Variants in TENM3 observed in about 807,000 individuals in gnomAD.
TENM3 encodes the protein teneurin transmembrane protein 3, also known as teneurin-3.
TENM3 carries 63 observed loss-of-function variants against 255.1 expected under a neutral mutation model. The observed-to-expected ratio is 0.25, with a 90% confidence interval of 0.20 to 0.30. TENM3 has a LOEUF of 0.30. Ranked by LOEUF, TENM3 falls within the 10% of genes least tolerant of loss-of-function variation. The pLI is 1.00. For synonymous variants in TENM3, 1,306 were observed against 1,322.3 expected (o/e 0.99, Z 0.27); for missense variants, 2,929 against 3,461.1 (o/e 0.85, Z 3.86).
the TENM3 span, among the ~76,000 whole-genome samples, chr4:181,577,197 T>TTA: frequency 7.9e-6 from 1 of 126,910 alleles, no homozygotes; most frequent in Non-Finnish European, 1.6e-5. Context: ...ATTATATATA[T>TTA]TATATATATA....
At chr4:181,470,833 C>T in the TENM3 span, among the ~76,000 whole-genome samples, 13 of 152,222 alleles carry the variant, frequency 8.5e-5, no homozygotes, top group South Asian at 2.5e-3. Flanking sequence ...CAAGAGGCAA[C>T]ACGACACATT....
intron 1 of TENM3, among the ~76,000 whole-genome samples, chr4:182,213,523 A>C (rs1388605608): frequency 2.0e-5 from 3 of 152,178 alleles, no homozygotes; most frequent in Non-Finnish European, 1.5e-5. Flanking sequence ...AAATGTGCTT[A>C]ATTATTATCT....
At chr4:181,486,138 A>G in the TENM3 span, among the ~76,000 whole-genome samples, 1 of 152,156 alleles carries the variant, frequency 6.6e-6, no homozygotes, top group Non-Finnish European at 1.5e-5. Context: ...CACCTTGACA[A>G]TACACCAAAT....
the TENM3 span, among the ~76,000 whole-genome samples, chr4:181,553,693 G>T: frequency 6.6e-6 from 1 of 151,892 alleles, no homozygotes; most frequent in Non-Finnish European, 1.5e-5. Context: ...TGCCCGCCTC[G>T]GCCTCCCAAA....
At chr4:182,161,940 T>TGTGTATATATACACAC (rs1751362393) in intron 1 of TENM3, among the ~76,000 whole-genome samples, 4 of 83,964 alleles carry the variant, frequency 4.8e-5, no homozygotes, top group Admixed American at 1.7e-4. Context: ...TACACATATA[T>TGTGTATATATACACAC]ATATTTGTGT....
rs1755923059 is a variant in TENM3, at chr4:182,679,290, A to T, written c.1327-376A>T. On this transcript the variant is annotated intron_variant, in intron 7 of 27. Coordinates refer to ENST00000511685, the MANE Select transcript of TENM3 (RefSeq NM_001080477.4). ...TACGTACGACTATTATATATCAATTATGAATTTAATGCATTAAAAATAAGC... is the reference window on the plus strand; with the variant it reads ...TACGTACGACTATTATATATCAATTTTGAATTTAATGCATTAAAAATAAGC... 2.0e-5 allele frequency among the ~76,000 whole-genome samples: 3 copies of T among 152,374 alleles called. No individual in the cohort carries two copies. In the South Asian group the frequency reaches 6.2e-4, roughly 32 times the overall value.
intron 3 of TENM3, among the ~76,000 whole-genome samples, chr4:182,442,766 GTGTGTGTGTGTGTGTACATA>G (rs1245332693): frequency 2.7e-5 from 4 of 150,340 alleles, no homozygotes; most frequent in African/African-American, 9.9e-5. Flanking sequence ...TAATTTGTGT[GTGTGTGTGTGTGTGTACATA>G]TGTGTGTGTG....
chr4:181,854,564 C>G, the TENM3 span, among the ~76,000 whole-genome samples: 2 of 152,058 alleles, frequency 1.3e-5, no homozygotes, highest in African/African-American at 4.8e-5. Context: ...AAATTGTTGC[C>G]GAATCATGCC....
chr4:181,943,780 C>G, the TENM3 span, among the ~76,000 whole-genome samples: 2 of 152,138 alleles, frequency 1.3e-5, no homozygotes, highest in African/African-American at 2.4e-5. Context: ...TTCATCATAG[C>G]CTGATCAGCT....
chr4:181,642,289 A>G, the TENM3 span, among the ~76,000 whole-genome samples: 4 of 152,008 alleles, frequency 2.6e-5, no homozygotes, highest in African/African-American at 9.7e-5. Flanking sequence ...GTGTCTGTTC[A>G]TATCCTTTGC....
At chr4:181,530,619 G>C in the TENM3 span, among the ~76,000 whole-genome samples, 6 of 152,288 alleles carry the variant, frequency 3.9e-5, no homozygotes, top group Middle Eastern at 3.4e-3. Context: ...TGAGTTTTAA[G>C]GGGACCCTCA....
chr4:182,353,391 T>C (rs1402101324), intron 3 of TENM3, among the ~76,000 whole-genome samples: 1 of 152,194 alleles, frequency 6.6e-6, no homozygotes, highest in Non-Finnish European at 1.5e-5. Flanking sequence ...TGGTCTCCTG[T>C]GATAAATTAT....
intron 11 of TENM3, among the ~76,000 whole-genome samples, chr4:182,682,847 G>C (rs1756280826): frequency 6.6e-6 from 1 of 151,922 alleles, no homozygotes; most frequent in Non-Finnish European, 1.5e-5. Context: ...GAAGATTACA[G>C]TTTATTTAGG....
intron 12 of TENM3, among the ~76,000 whole-genome samples, chr4:182,700,007 G>A (rs1196329674): frequency 3.3e-5 from 5 of 152,106 alleles, no homozygotes; most frequent in African/African-American, 1.2e-4. Flanking sequence ...GCATTTAAGA[G>A]TGAAACCAGC....
At chr4:181,600,854 A>C in the TENM3 span, among the ~76,000 whole-genome samples, 1 of 151,878 alleles carries the variant, frequency 6.6e-6, no homozygotes, top group Non-Finnish European at 1.5e-5. Flanking sequence ...AAAAAAAAAA[A>C]CAAAGCTTGA....
At chr4:182,291,873 G>C (rs755679049) in intron 1 of TENM3, among the ~76,000 whole-genome samples, 1 of 152,110 alleles carries the variant, frequency 6.6e-6, no homozygotes, top group Non-Finnish European at 1.5e-5. Flanking sequence ...ACTCAGCTGT[G>C]TGTGTAGGGC....
intron 4 of TENM3, among the ~76,000 whole-genome samples, chr4:182,606,523 CAAAAAAAA>C (rs746315807): frequency 3.9e-5 from 2 of 51,738 alleles, no homozygotes; most frequent in Admixed American, 2.3e-4. Flanking sequence ...GACTCTGTCT[CAAAAAAAA>C]AAAAAAAAAA....
At chr4:182,323,908 C>T (rs1580158739) in intron 1 of TENM3, 38 bp from the exon 2 acceptor site, 2 of 843,918 alleles carry the variant, frequency 2.4e-6, no homozygotes, top group Non-Finnish European at 3.8e-6. Context: ...TTTAGGTGAA[C>T]GTCATGCTGA....
At chr4:181,779,671 G>A in the TENM3 span, among the ~76,000 whole-genome samples, 3 of 151,864 alleles carry the variant, frequency 2.0e-5, no homozygotes, top group Admixed American at 6.6e-5. Context: ...AAGTTCTAGG[G>A]TACATGTACA....
Sources: allele counts gnomAD v4.1 joint callset (sites outside exome capture counted in the v4.1 genomes callset), GRCh38; gene constraint gnomAD v4.1.1; transcripts MANE v1.5; gene names NCBI Gene and HGNC (gene_info 2026-07-23, HGNC 2026-07-21).